Variants in ABI3BP observed in about 807,000 individuals in gnomAD.
ABI3BP encodes ABI family member 3 binding protein, also known as target of Nesh-SH3.
Under a neutral mutation model 268.6 loss-of-function variants are expected in ABI3BP, and 216 were observed. The ratio of observed to expected loss-of-function variants is 0.80; its 90% CI spans 0.72 to 0.90. The LOEUF is 0.90. Among genes scored for constraint, ABI3BP ranks in the 40% least tolerant of loss-of-function variants. ABI3BP has a pLI of 0.00. For missense variants in ABI3BP, 2,090 were observed against 2,182.4 expected (o/e 0.96, Z 0.84); for synonymous variants, 730 against 730.0 (o/e 1.00, Z 0.00).
chr3:100,810,557 CAA>C lies in ABI3BP; in HGVS notation c.3542-82_3542-81del. On this transcript the variant is annotated intron_variant, in intron 48 of 67. Transcript: ENST00000471714. The stretch of plus-strand genomic sequence containing the variant: ...GTACAGATAACAGACAGGATGGTAA[CAA>C]ATAGATTTTTTTAAAATAAAGAAAA... 3 of 981,300 alleles carry C rather than the reference CAA, an allele frequency of 3.1e-6. No homozygotes were observed. The South Asian group carries it at 5.3e-5, about 17-fold the overall frequency. 60.8% of individuals were successfully genotyped at this position (981,300 alleles called of 1,614,324 possible).
At chr3:100,989,229 G>A (rs769525737) in intron 1 of ABI3BP, among the ~76,000 whole-genome samples, 43 of 152,126 alleles carry the variant, frequency 2.8e-4, no homozygotes, top group African/African-American at 8.9e-4. Flanking sequence ...TTCCAGAACC[G>A]TGAAAAATAA....
Position 100,780,026 on chromosome 3 carries a change from C to T in ABI3BP, c.4240+106G>A, listed in dbSNP as rs72930679. On this transcript the variant is annotated intron_variant, in intron 58 of 67. Transcript: ENST00000471714. ...CACTGTGTGTGTGGTTCTGATACTT[C>T]GGGGGCTGTGTGGATGTTGCTGTTT... is the stretch of plus-strand genomic sequence containing the variant. The T allele has an allele frequency of 6.6e-3, 6,186 of 934,312 alleles. 60 individuals carry two copies. The highest frequency in any genetic ancestry group is 0.027 in the African/African-American group (1,642 of 61,420). The allele number at this position is 934,312 out of a possible 1,614,324, so 57.9% of individuals were successfully genotyped here. A position where few individuals can be genotyped will look rare whatever the true frequency, so the allele number is the denominator to read the frequency against.
intron 29 of ABI3BP, 21 bp downstream of exon 29, chr3:100,834,663 A>G (rs954249322): frequency 6.5e-7 from 1 of 1,533,574 alleles, no homozygotes; most frequent in African/African-American, 1.4e-5. Context: ...CCACAGGGAC[A>G]AGGAACCACA....
At chr3:100,751,837 T>A (rs1255779019) in intron 66 of ABI3BP, among the ~76,000 whole-genome samples, 163 bp from the exon 67 acceptor site, 1 of 152,232 alleles carries the variant, frequency 6.6e-6, no homozygotes, top group East Asian at 1.9e-4. Context: ...CTCCCCTCCC[T>A]TTCAGGGATT....
chr3:100,955,493 A>G (rs1307729421), intron 1 of ABI3BP, among the ~76,000 whole-genome samples: 1 of 135,916 alleles, frequency 7.4e-6, no homozygotes, highest in African/African-American at 2.8e-5. Context: ...TGTTTGACTT[A>G]TTTGTTTCTT....
At chr3:100,910,936 G>GA (rs538536921) in intron 2 of ABI3BP, 53 of 155,316 alleles carry the variant, frequency 3.4e-4, no homozygotes, top group South Asian at 8.1e-4. Flanking sequence ...TCCGCCAAAT[G>GA]AAAAAAAAAT....
At chr3:100,751,251 A>G (rs2095308213) in intron 67 of ABI3BP, among the ~76,000 whole-genome samples, 1 of 152,238 alleles carries the variant, frequency 6.6e-6, no homozygotes, top group African/African-American at 2.4e-5. Flanking sequence ...AAGTACACTC[A>G]GTATGACAAA....
At chr3:100,933,346 A>G (rs974989776) in intron 1 of ABI3BP, among the ~76,000 whole-genome samples, 20 of 151,908 alleles carry the variant, frequency 1.3e-4, no homozygotes, top group African/African-American at 4.6e-4. Context: ...TCAGGATTAA[A>G]CACATAACCC....
At chr3:100,859,892 G>A (rs779544179) in intron 14 of ABI3BP, among the ~76,000 whole-genome samples, 17 of 152,034 alleles carry the variant, frequency 1.1e-4, no homozygotes, top group Non-Finnish European at 1.8e-4. Flanking sequence ...ATAAGGTAGC[G>A]CTTCTCAAAC....
chr3:100,859,226 T>C lies in ABI3BP; in HGVS notation c.1285+3085A>G, dbSNP rs549171170. Reference sequence around the variant, plus strand: ...CTGAAAGGAATTGATATAGTAAATATAGATGCATCATACCCCAACAGAGAA... The same window carrying C: ...CTGAAAGGAATTGATATAGTAAATACAGATGCATCATACCCCAACAGAGAA... On this transcript the variant is annotated intron_variant, in intron 14 of 67. Coordinates refer to ENST00000471714, the MANE Select transcript of ABI3BP (RefSeq NM_001375547.2). Among the ~76,000 whole-genome samples the C allele has an allele frequency of 5.3e-5, 8 of 152,296 alleles. No homozygotes were observed. In the South Asian group the frequency reaches 1.7e-3, roughly 32 times the overall value.
chr3:100,829,156 AG>A (rs2098440818), intron 33 of ABI3BP, among the ~76,000 whole-genome samples: 2 of 151,816 alleles, frequency 1.3e-5, no homozygotes. Flanking sequence ...AAAAAAAAGA[AG>A]AAGAAGAAGA....
intron 51 of ABI3BP, among the ~76,000 whole-genome samples, chr3:100,803,549 C>T (rs1264553471): frequency 7.3e-6 from 1 of 136,200 alleles, no homozygotes; most frequent in African/African-American, 2.5e-5. Context: ...CCAACTCATG[C>T]CCAGTAGGGC....
chr3:100,990,827 C>A (rs1315991041), intron 1 of ABI3BP, among the ~76,000 whole-genome samples: 1 of 151,996 alleles, frequency 6.6e-6, no homozygotes, highest in Non-Finnish European at 1.5e-5. Context: ...CAAGTCCTGG[C>A]TCCACCATTA....
chr3:100,922,732 G>A (rs1356858572), intron 2 of ABI3BP, among the ~76,000 whole-genome samples: 1 of 152,080 alleles, frequency 6.6e-6, no homozygotes. Flanking sequence ...ATGCAGCCCT[G>A]CCCACACCTT....
intron 1 of ABI3BP, among the ~76,000 whole-genome samples, chr3:100,953,031 T>C (rs2075644417): frequency 1.3e-5 from 2 of 152,218 alleles, no homozygotes; most frequent in Non-Finnish European, 1.5e-5. Context: ...CCTCTTGATG[T>C]CATCTTTGAT....
At chr3:100,861,571 A>G (rs1416823105) in intron 14 of ABI3BP, among the ~76,000 whole-genome samples, 1 of 152,186 alleles carries the variant, frequency 6.6e-6, no homozygotes, top group Non-Finnish European at 1.5e-5. Flanking sequence ...TCATATGCTG[A>G]ATACGCACTT....
Position 100,775,294 on chromosome 3 carries a change from A to G in ABI3BP, c.4375T>C (p.Ser1459Pro), listed in dbSNP as rs113701856. Residue 1459 changes from serine to proline, a missense_variant, in exon 60 of 68, where the codon TCA (serine) becomes CCA (proline). Physicochemically the swap from Ser to Pro is moderately conservative, Grantham distance 74. Coordinates refer to ENST00000471714, the MANE Select transcript of ABI3BP (RefSeq NM_001375547.2). ...SGPITTPPLR[S>P]TPRPTGTPLE... ...GGAGTTCCAGTAGGCCTGGGTGTTG[A>G]CCTCAGGGGTGGTGTAGTTATTGGG... 1.5e-3 allele frequency: 2,433 copies of G among 1,608,698 alleles called. 44 individuals are homozygous for G. The African/African-American group carries it at 0.028, about 19-fold the overall frequency.
intron 1 of ABI3BP, among the ~76,000 whole-genome samples, chr3:100,970,889 A>C (rs1305660103): frequency 6.6e-6 from 1 of 152,176 alleles, no homozygotes; most frequent in Non-Finnish European, 1.5e-5. Context: ...AAATGAAATG[A>C]TTGGGCAGTG....
At chr3:100,911,180 T>C in intron 2 of ABI3BP, 1 of 392,296 alleles carries the variant, frequency 2.5e-6, no homozygotes, top group Non-Finnish European at 4.8e-6. Context: ...TGTGGTCTAC[T>C]AGCTGGACTA....
Sources: allele counts gnomAD v4.1 joint callset (sites outside exome capture counted in the v4.1 genomes callset), GRCh38; gene constraint gnomAD v4.1.1; transcripts MANE v1.5; gene names NCBI Gene and HGNC (gene_info 2026-07-23, HGNC 2026-07-21).